Variants in GUCY1A2 observed in about 807,000 individuals in gnomAD.
GUCY1A2 encodes guanylate cyclase soluble subunit alpha-2.
GUCY1A2 carries 27 observed loss-of-function variants against 63.5 expected under a neutral mutation model. That is an observed-to-expected ratio of 0.43 (90% CI 0.31 to 0.59). The LOEUF is 0.59. GUCY1A2 is among the 20% of genes least tolerant of loss of function. The pLI is 0.11. For synonymous variants in GUCY1A2, 364 were observed against 343.5 expected, an observed-to-expected ratio of 1.06 and a Z score of -0.66; for missense variants, 768 against 913.3, an observed-to-expected ratio of 0.84 and a Z score of 2.05.
chr11:106,838,852 G>A (rs993921550), intron 4 of GUCY1A2, among the ~76,000 whole-genome samples: 2 of 151,924 alleles, frequency 1.3e-5, no homozygotes, highest in Admixed American at 1.3e-4. Flanking sequence ...ATTTGTTTGA[G>A]TACTTTGTAG....
At chr11:106,730,831 T>C (rs1863490847) in intron 6 of GUCY1A2, among the ~76,000 whole-genome samples, 1 of 152,188 alleles carries the variant, frequency 6.6e-6, no homozygotes, top group Admixed American at 6.6e-5. Flanking sequence ...AAATGGTATC[T>C]CACTGTGGTT....
chr11:106,726,707 G>GAGAT (rs1379454030), intron 6 of GUCY1A2, among the ~76,000 whole-genome samples: 1 of 152,146 alleles, frequency 6.6e-6, no homozygotes, highest in Non-Finnish European at 1.5e-5. Flanking sequence ...TTAAAGACAA[G>GAGAT]AGATAGCATT....
intron 5 of GUCY1A2, among the ~76,000 whole-genome samples, chr11:106,781,112 C>CA (rs565279937): frequency 0.086 from 7,630 of 88,850 alleles, 290 homozygotes; most frequent in South Asian, 0.19. Context: ...AAACAGACTA[C>CA]AAAAAAAAAA....
At chr11:106,855,893 T>TTTTCTTTTTTTATTATTTA (rs536833371) in intron 4 of GUCY1A2, among the ~76,000 whole-genome samples, 21 of 94,352 alleles carry the variant, frequency 2.2e-4, no homozygotes, top group African/African-American at 7.3e-4. Context: ...GTCTCTTGTA[T>TTTTCTTTTTTTATTATTTA]TTTATTTATT....
In GUCY1A2 at chr11:106,681,520, C is replaced by T. The variant is rs1862434607; in HGVS notation, c.*6029G>A. On this transcript the variant is annotated 3_prime_UTR_variant, in exon 8 of 8. Transcript: ENST00000526355. ...AGGAATAGAAATCATATTTTTATAG[C>T]CATGTTTAAAATTATGCACCAGAAA... The T allele has an allele frequency of 9.1e-6, 2 of 220,192 alleles. No individual in the cohort carries two copies. Among genetic ancestry groups the T allele is most frequent in the Non-Finnish European group, 9.1e-6 (1 of 109,872 alleles). The allele number at this position is 220,192 out of a possible 1,614,324, so 13.6% of individuals were successfully genotyped here. A position where few individuals can be genotyped will look rare whatever the true frequency, so the allele number is the denominator to read the frequency against.
At chr11:106,721,101 C>T (rs1243838355) in intron 6 of GUCY1A2, among the ~76,000 whole-genome samples, 1 of 150,600 alleles carries the variant, frequency 6.6e-6, no homozygotes, top group African/African-American at 2.5e-5. Context: ...CTCTGTCACC[C>T]AGGCTGGAGT....
intron 4 of GUCY1A2, among the ~76,000 whole-genome samples, chr11:106,831,175 AG>A (rs2135437012): frequency 6.6e-6 from 1 of 152,354 alleles, no homozygotes; most frequent in East Asian, 1.9e-4. Flanking sequence ...AATTAAAAAC[AG>A]TTTTATAAAG....
chr11:106,964,425 T>C (rs796875593), intron 3 of GUCY1A2, among the ~76,000 whole-genome samples: 3 of 152,154 alleles, frequency 2.0e-5, no homozygotes, highest in African/African-American at 7.2e-5. Flanking sequence ...GAGTTAAATG[T>C]AGGTACCTGA....
At chr11:106,853,613 T>C (rs1254975740) in intron 4 of GUCY1A2, among the ~76,000 whole-genome samples, 1 of 152,130 alleles carries the variant, frequency 6.6e-6, no homozygotes, top group Non-Finnish European at 1.5e-5. Context: ...TTCCTTAAGA[T>C]CATTATTTTG....
chr11:106,944,255 G>A (rs1184011939), intron 3 of GUCY1A2, among the ~76,000 whole-genome samples: 1 of 101,026 alleles, frequency 9.9e-6, no homozygotes, highest in Non-Finnish European at 2.0e-5. Context: ...TCCCAGCCTG[G>A]GCAACATGCC....
intron 6 of GUCY1A2, among the ~76,000 whole-genome samples, chr11:106,759,361 T>A (rs1479458582): frequency 6.6e-6 from 1 of 152,120 alleles, no homozygotes; most frequent in Non-Finnish European, 1.5e-5. Context: ...TAGCTCTGTA[T>A]GATGGAAGAC....
rs568418757 is a variant in GUCY1A2 at position 106,797,844 on chromosome 11, A to G, written c.1692+12149T>C. Among the ~76,000 whole-genome samples the G allele has an allele frequency of 3.3e-4, 50 of 152,286 alleles. 2 individuals carry two copies. The South Asian group carries it at 8.5e-3, about 26-fold the overall frequency. ...AGATCTAAAATTGACACCCTACATC[A>G]CAATGAAAAGAACTAGAGAAGCAAG... On this transcript the variant is annotated intron_variant, in intron 5 of 7. Coordinates refer to ENST00000526355, the MANE Select transcript of GUCY1A2 (RefSeq NM_000855.3).
chr11:107,015,526 A>C (rs1344162464), intron 1 of GUCY1A2, among the ~76,000 whole-genome samples: 1 of 132,822 alleles, frequency 7.5e-6, no homozygotes, highest in Non-Finnish European at 1.6e-5. Context: ...AGAGGCATTG[A>C]CATTACTTTT....
intron 4 of GUCY1A2, among the ~76,000 whole-genome samples, chr11:106,812,125 T>A (rs1380606408): frequency 2.0e-5 from 3 of 151,970 alleles, no homozygotes; most frequent in African/African-American, 4.8e-5. Context: ...CTTAAGGGCA[T>A]GGTAAGGAAG....
chr11:107,007,591 C>T (rs1022826732), intron 1 of GUCY1A2, among the ~76,000 whole-genome samples: 10 of 152,108 alleles, frequency 6.6e-5, no homozygotes, highest in African/African-American at 4.8e-5. Flanking sequence ...GATCTACATA[C>T]TCATTATCTC....
chr11:106,702,803 G>A (rs1174886887), intron 7 of GUCY1A2, among the ~76,000 whole-genome samples: 6 of 151,754 alleles, frequency 4.0e-5, no homozygotes, highest in African/African-American at 1.5e-4. Flanking sequence ...CTTGTAGGAA[G>A]AATAACCCCC....
At chr11:106,895,099 G>A (rs778500382) in intron 4 of GUCY1A2, among the ~76,000 whole-genome samples, 12 of 150,640 alleles carry the variant, frequency 8.0e-5, no homozygotes, top group Non-Finnish European at 1.0e-4. Flanking sequence ...GACATTACAA[G>A]AATAACAAAG....
intron 6 of GUCY1A2, among the ~76,000 whole-genome samples, chr11:106,763,395 G>T (rs1014412229): frequency 6.6e-6 from 1 of 151,918 alleles, no homozygotes; most frequent in Non-Finnish European, 1.5e-5. Flanking sequence ...CAGTATAGAA[G>T]GCAGAAAACA....
intron 4 of GUCY1A2, among the ~76,000 whole-genome samples, chr11:106,813,287 A>C (rs1677112480): frequency 6.6e-6 from 1 of 152,020 alleles, no homozygotes; most frequent in South Asian, 2.1e-4. Flanking sequence ...TCTGAGCTAT[A>C]GTAAAGGGTT....
Sources: allele counts gnomAD v4.1 joint callset (sites outside exome capture counted in the v4.1 genomes callset), GRCh38; gene constraint gnomAD v4.1.1; transcripts MANE v1.5; gene names NCBI Gene and HGNC (gene_info 2026-07-23, HGNC 2026-07-21).